EPHA6: variants seen among roughly 807,000 people sequenced by gnomAD.
EPHA6 encodes the protein EPH receptor A6.
Under a neutral mutation model 112.0 loss-of-function variants are expected in EPHA6, and 50 were observed. That is an observed-to-expected ratio of 0.45 (90% CI 0.36 to 0.56). EPHA6 has a LOEUF of 0.56. EPHA6 is among the 20% of genes least tolerant of loss of function. The pLI is 0.00. For missense variants in EPHA6, 1,280 were observed against 1,417.4 expected (o/e 0.90, Z 1.56); for synonymous variants, 529 against 490.7 (o/e 1.08, Z -1.03).
chr3:96,868,551 A>G (rs1349275860), intron 2 of EPHA6, among the ~76,000 whole-genome samples: 2 of 151,904 alleles, frequency 1.3e-5, no homozygotes, highest in African/African-American at 2.4e-5. Context: ...AAATCATATA[A>G]ATTTTTCAGG....
intron 3 of EPHA6, among the ~76,000 whole-genome samples, chr3:97,096,849 G>T (rs965047443): frequency 1.3e-5 from 2 of 151,708 alleles, no homozygotes; most frequent in African/African-American, 4.8e-5. Flanking sequence ...TAGATCTATG[G>T]ACAGCAAAAG....
intron 15 of EPHA6, among the ~76,000 whole-genome samples, chr3:97,723,381 A>G (rs1435218232): frequency 6.6e-6 from 1 of 152,194 alleles, no homozygotes; most frequent in East Asian, 1.9e-4. Context: ...CTGGCCATGT[A>G]TATTGGTGAT....
intron 10 of EPHA6, among the ~76,000 whole-genome samples, chr3:97,513,787 C>G (rs1013842760): frequency 6.6e-6 from 1 of 151,860 alleles, no homozygotes; most frequent in African/African-American, 2.4e-5. Context: ...GACTTGATCA[C>G]TACACTATAT....
chr3:97,114,302 TTAC>T (rs1324346481), intron 3 of EPHA6, among the ~76,000 whole-genome samples: 1 of 152,154 alleles, frequency 6.6e-6, no homozygotes, highest in African/African-American at 2.4e-5. Context: ...TAACAACAAA[TTAC>T]TACTTTATAA....
chr3:97,312,983 T>C (rs1350355521), intron 5 of EPHA6, among the ~76,000 whole-genome samples: 2 of 151,472 alleles, frequency 1.3e-5, no homozygotes, highest in Non-Finnish European at 3.0e-5. Flanking sequence ...GTGGTCACTA[T>C]GCTTAATAAT....
intron 11 of EPHA6, among the ~76,000 whole-genome samples, chr3:97,539,108 CTTT>C (rs1560113442): frequency 9.0e-5 from 12 of 133,048 alleles, no homozygotes; most frequent in African/African-American, 1.6e-4. Flanking sequence ...TCCTTCCTTT[CTTT>C]CTTTCTTTCT....
intron 12 of EPHA6, among the ~76,000 whole-genome samples, chr3:97,603,954 A>T (rs1387327569): frequency 2.0e-5 from 3 of 151,832 alleles, no homozygotes; most frequent in African/African-American, 7.2e-5. Flanking sequence ...TTAGGATTCA[A>T]CATCTAGTCA....
At chr3:97,440,263 T>A (rs2090067819) in intron 6 of EPHA6, among the ~76,000 whole-genome samples, 1 of 152,108 alleles carries the variant, frequency 6.6e-6, no homozygotes, top group South Asian at 2.1e-4. Context: ...TTTACTTCCT[T>A]GGACAGTTTT....
At chr3:97,619,927 G>A (rs778211973) in intron 13 of EPHA6, among the ~76,000 whole-genome samples, 8 of 151,638 alleles carry the variant, frequency 5.3e-5, no homozygotes, top group African/African-American at 9.7e-5. Flanking sequence ...TTTAACATTC[G>A]TATGGAACCA....
In EPHA6 at chr3:97,022,687, G is replaced by A. The variant is rs114551867; in HGVS notation, c.1114+34694G>A. 3.5e-3 allele frequency among the ~76,000 whole-genome samples: 529 copies of A among 152,238 alleles called. 3 individuals are homozygous for A. The highest frequency in any genetic ancestry group is 0.012 in the African/African-American group (508 of 41,538). ...ACTTACTCTAGATGTCCTCTGCATGGTTGGGCTCCTAATTCCTGTAATTCT... is the reference window on the plus strand; with the variant it reads ...ACTTACTCTAGATGTCCTCTGCATGATTGGGCTCCTAATTCCTGTAATTCT... On this transcript the variant is annotated intron_variant, in intron 3 of 17. Coordinates refer to ENST00000389672, the MANE Select transcript of EPHA6 (RefSeq NM_001080448.3).
intron 14 of EPHA6, among the ~76,000 whole-genome samples, chr3:97,657,314 T>C (rs2094142996): frequency 6.6e-6 from 1 of 151,708 alleles, no homozygotes; most frequent in East Asian, 1.9e-4. Context: ...AAAGCATAAA[T>C]TTGATAGAAC....
chr3:97,186,958 T>G (rs536992461), intron 3 of EPHA6, among the ~76,000 whole-genome samples: 2 of 152,270 alleles, frequency 1.3e-5, no homozygotes, highest in South Asian at 4.1e-4. Context: ...ATTATTGTCT[T>G]GCCTGGCCTA....
At chr3:97,117,288 G>A (rs1053086082) in intron 3 of EPHA6, among the ~76,000 whole-genome samples, 24 of 151,484 alleles carry the variant, frequency 1.6e-4, no homozygotes, top group African/African-American at 5.8e-4. Flanking sequence ...TCTTTATTCT[G>A]TTGATTGCTT....
Position 97,486,064 on chromosome 3 carries a change from A to C in EPHA6, c.2200+2005A>C, listed in dbSNP as rs149783957. ...AAAATATAAATTGTTCTCTTAAAAA[A>C]GTATAATTGATACTGCAAAAGCAAA... On this transcript the variant is annotated intron_variant, in intron 10 of 17. Coordinates refer to ENST00000389672, the MANE Select transcript of EPHA6 (RefSeq NM_001080448.3). Among the ~76,000 whole-genome samples, 744 of 152,368 alleles carry C rather than the reference A, an allele frequency of 4.9e-3. 4 individuals are homozygous for C. Among genetic ancestry groups the C allele is most frequent in the Non-Finnish European group, 7.3e-3 (499 of 68,032 alleles).
intron 3 of EPHA6, among the ~76,000 whole-genome samples, chr3:97,163,115 T>G (rs1021120547): frequency 6.6e-6 from 1 of 152,086 alleles, no homozygotes; most frequent in Non-Finnish European, 1.5e-5. Flanking sequence ...TATTTACTTT[T>G]CAAATTATTT....
At chr3:97,564,275 A>G (rs1158737261) in intron 11 of EPHA6, among the ~76,000 whole-genome samples, 1 of 152,106 alleles carries the variant, frequency 6.6e-6, no homozygotes, top group Non-Finnish European at 1.5e-5. Flanking sequence ...AAAAAAGTTT[A>G]CCTTTAAGGA....
chr3:97,174,749 T>A (rs2076790079), intron 3 of EPHA6, among the ~76,000 whole-genome samples: 1 of 151,240 alleles, frequency 6.6e-6, no homozygotes, highest in South Asian at 2.1e-4. Context: ...ATTATTATAG[T>A]TTTTTTCCCA....
Position 97,638,144 on chromosome 3 carries a change from G to C in EPHA6, c.2784+62G>C. On this transcript the variant is annotated intron_variant, in intron 14 of 17. Coordinates refer to ENST00000389672, the MANE Select transcript of EPHA6 (RefSeq NM_001080448.3). Reference sequence around the variant, plus strand: ...ACTTTTATTGTTTTTAATGTCATTAGAGTAATTCTGTTTCTGCCTTCCTAA... The same window carrying C: ...ACTTTTATTGTTTTTAATGTCATTACAGTAATTCTGTTTCTGCCTTCCTAA... 3.3e-6 allele frequency: 4 copies of C among 1,211,534 alleles called. No individual in the cohort carries two copies. The South Asian group carries it at 5.9e-5, about 18-fold the overall frequency. The allele number at this position is 1,211,534 out of a possible 1,614,324, so 75.0% of individuals were successfully genotyped here. A position where few individuals can be genotyped will look rare whatever the true frequency, so the allele number is the denominator to read the frequency against.
At position 97,134,825 on chromosome 3, in the gene EPHA6, G is replaced by A. The variant is rs77440791; in HGVS notation, c.1115-91439G>A. On this transcript the variant is annotated intron_variant, in intron 3 of 17. Coordinates refer to ENST00000389672, the MANE Select transcript of EPHA6 (RefSeq NM_001080448.3). ...ATGGAACAAATTATTATGGCCCTTA[G>A]AAGAATAGATGCGAGATATGACAAC... Among the ~76,000 whole-genome samples, 35 of 152,154 alleles carry A rather than the reference G, an allele frequency of 2.3e-4. 1 individual carries two copies. The East Asian group carries it at 6.6e-3, about 29-fold the overall frequency.
Sources: gnomAD v4.1 joint callset for allele counts (sites outside exome capture counted in the v4.1 genomes callset) on GRCh38, gnomAD v4.1.1 for gene constraint, MANE v1.5 for transcripts, NCBI Gene and HGNC (gene_info 2026-07-23, HGNC 2026-07-21) for gene names.